The following ADAM12 variants were observed in gnomAD, a reference collection of about 807,000 sequenced individuals.
ADAM12 encodes the protein disintegrin and metalloproteinase domain-containing protein 12.
Under a neutral mutation model 106.4 loss-of-function variants are expected in ADAM12, and 70 were observed. That is an observed-to-expected ratio of 0.66 (90% CI 0.54 to 0.80). The LOEUF (loss-of-function observed/expected upper bound fraction) is 0.80. Ranked by LOEUF, ADAM12 falls within the 30% of genes least tolerant of loss-of-function variation. The pLI, the probability that ADAM12 is intolerant of heterozygous loss-of-function variation, is 0.00. For synonymous variants in ADAM12, 420 were observed against 433.5 expected, an observed-to-expected ratio of 0.97 and a Z score of 0.39; for missense variants, 1,010 against 1,171.9, an observed-to-expected ratio of 0.86 and a Z score of 2.02.
chr10:126,179,605 C>T (rs1179845404), intron 3 of ADAM12, among the ~76,000 whole-genome samples: 6 of 152,152 alleles, frequency 3.9e-5, no homozygotes, highest in Admixed American at 6.5e-5. Flanking sequence ...CTATGTTCAA[C>T]ATTATGTAGG....
chr10:126,338,760 A>G (rs1854809550), intron 1 of ADAM12, among the ~76,000 whole-genome samples: 1 of 152,216 alleles, frequency 6.6e-6, no homozygotes, highest in Non-Finnish European at 1.5e-5. Flanking sequence ...GAATTCTTCA[A>G]TGCTTACCTT....
rs757971637 is a variant in ADAM12, at chr10:126,155,213, C to T, written c.339+14G>A. 6.8e-6 allele frequency: 11 copies of T among 1,613,044 alleles called. No homozygotes were observed. Among genetic ancestry groups the T allele is most frequent in the Admixed American group, 1.7e-5 (1 of 59,992 alleles). On this transcript the variant is annotated intron_variant, in intron 4 of 22. Coordinates refer to ENST00000448723, the MANE Select transcript of ADAM12 (RefSeq NM_001288973.2). ...TGGTGTAAGATTATGGTGATCCCAACGTGCCAGAATTACCGTGTAATTTCG... is the reference window on the plus strand; with the variant it reads ...TGGTGTAAGATTATGGTGATCCCAATGTGCCAGAATTACCGTGTAATTTCG...
At chr10:126,384,404 A>C (rs952151097) in intron 1 of ADAM12, among the ~76,000 whole-genome samples, 4 of 152,216 alleles carry the variant, frequency 2.6e-5, no homozygotes, top group African/African-American at 7.2e-5. Flanking sequence ...AGAAATGAGG[A>C]ATGAACTAAG....
chr10:126,321,002 C>G (rs1274419748), intron 2 of ADAM12, among the ~76,000 whole-genome samples: 1 of 152,158 alleles, frequency 6.6e-6, no homozygotes, highest in Non-Finnish European at 1.5e-5. Flanking sequence ...AAATTTACTA[C>G]AGTCTGTGAG....
At chr10:126,020,574 GAC>G (rs1953745119) in intron 21 of ADAM12, among the ~76,000 whole-genome samples, 1 of 152,110 alleles carries the variant, frequency 6.6e-6, no homozygotes, top group Non-Finnish European at 1.5e-5. Flanking sequence ...TGGGGAAAAA[GAC>G]CTATCTCAGC....
At chr10:126,235,479 T>A (rs929629775) in intron 3 of ADAM12, among the ~76,000 whole-genome samples, 98 of 151,992 alleles carry the variant, frequency 6.4e-4, no homozygotes, top group African/African-American at 2.3e-3. Flanking sequence ...TGGGTGTGAG[T>A]CCTGGCTCTG....
intron 18 of ADAM12, among the ~76,000 whole-genome samples, chr10:126,040,920 C>T (rs1230086455): frequency 6.6e-6 from 1 of 152,244 alleles, no homozygotes; most frequent in East Asian, 1.9e-4. Flanking sequence ...GCACGAGCAC[C>T]GTGTCCTGTG....
intron 3 of ADAM12, among the ~76,000 whole-genome samples, chr10:126,235,560 C>T (rs998121098): frequency 9.9e-5 from 15 of 152,056 alleles, no homozygotes; most frequent in African/African-American, 3.1e-4. Flanking sequence ...ATCTGTGAGG[C>T]GGGCTCGAGC....
intron 8 of ADAM12, among the ~76,000 whole-genome samples, chr10:126,107,810 G>T (rs1955801691): frequency 6.6e-6 from 1 of 152,176 alleles, no homozygotes; most frequent in African/African-American, 2.4e-5. Flanking sequence ...GAAGCTCACA[G>T]GGCAACTCCA....
At chr10:126,316,221 T>C (rs1281997245) in intron 2 of ADAM12, among the ~76,000 whole-genome samples, 1 of 152,194 alleles carries the variant, frequency 6.6e-6, no homozygotes, top group African/African-American at 2.4e-5. Flanking sequence ...CCAGTTTTAA[T>C]GCAGTTTTTA....
At chr10:126,113,850 C>T (rs1364493825) in intron 6 of ADAM12, among the ~76,000 whole-genome samples, 1 of 150,390 alleles carries the variant, frequency 6.6e-6, no homozygotes, top group African/African-American at 2.4e-5. Flanking sequence ...AGGTGACAGT[C>T]ATGATGGACA....
chr10:126,178,408 C>T (rs74158379), intron 3 of ADAM12, among the ~76,000 whole-genome samples: 5,347 of 103,706 alleles, frequency 0.052, 317 homozygotes, highest in African/African-American at 0.14. Context: ...TGGAGGACAT[C>T]TTTTTTTTTT....
chr10:126,118,227 G>T lies in ADAM12; in HGVS notation c.417-3C>A, dbSNP rs750332798. On this transcript the variant is annotated splice_polypyrimidine_tract_variant and splice_region_variant and intron_variant, in intron 5 of 22. Coordinates refer to ENST00000448723, the MANE Select transcript of ADAM12 (RefSeq NM_001288973.2). ...CATTTTCAAACACAATAAGTCCCCT[G>T]TTGAAAAAGAAACAAGAAAAAATAT... The T allele has an allele frequency of 1.2e-6, 2 of 1,606,542 alleles. No homozygotes were observed. Among genetic ancestry groups the T allele is most frequent in the Admixed American group, 1.7e-5 (1 of 59,250 alleles).
intron 4 of ADAM12, among the ~76,000 whole-genome samples, chr10:126,150,123 A>C (rs538554433): frequency 7.0e-4 from 106 of 152,318 alleles, no homozygotes; most frequent in African/African-American, 2.5e-3. Flanking sequence ...ACCATCATAG[A>C]TCGTGGACAT....
rs749929481 is a variant in ADAM12, at chr10:126,109,757, A to G, written c.669+18T>C. On this transcript the variant is annotated intron_variant, in intron 7 of 22. Coordinates refer to ENST00000448723, the MANE Select transcript of ADAM12 (RefSeq NM_001288973.2). Reference sequence around the variant, plus strand: ...TATCTCTAACCAACCATACTGAGAAATTTTAAAAAGTTCTTACCTCTCGGT... The same window carrying G: ...TATCTCTAACCAACCATACTGAGAAGTTTTAAAAAGTTCTTACCTCTCGGT... 2 of 1,605,842 alleles carry G rather than the reference A, an allele frequency of 1.2e-6. No homozygotes were observed. The highest frequency in any genetic ancestry group is 1.7e-5 in the Admixed American group (1 of 58,470).
At chr10:126,078,619 T>G (rs551380287) in intron 11 of ADAM12, among the ~76,000 whole-genome samples, 26 of 152,310 alleles carry the variant, frequency 1.7e-4, no homozygotes, top group African/African-American at 6.0e-4. Context: ...AAATATATAA[T>G]TTTTTTGGCA....
rs1389616313 is a variant in ADAM12 at position 126,118,103 on chromosome 10, G to A, written c.538C>T (p.His180Tyr). The change falls in exon 6 of 23, where the codon CAC (histidine) becomes TAC (tyrosine). Residue 180 changes from histidine (H) to tyrosine (Y), a missense_variant. Transcript: ENST00000448723. ...TTTGCAGCGAGGTTTGGTGTGTTGT[G>A]ATGTGATCCACATGATCCCCGGACG... ...KSVRGSCGSH[H>Y]NTPNLAAKNV... is the part of the protein sequence containing the mutation. 1 of 1,614,064 alleles carries A rather than the reference G, an allele frequency of 6.2e-7. No individual in the cohort carries two copies. The highest frequency in any genetic ancestry group is 1.7e-5 in the Admixed American group (1 of 60,012).
chr10:126,101,275 G>A (rs773550393), intron 8 of ADAM12, 34 bp from the exon 9 acceptor site: 1 of 1,600,504 alleles, frequency 6.2e-7, no homozygotes. Context: ...CATTGGAGTT[G>A]GGATCACGTT....
chr10:126,103,741 G>T (rs1404571637), intron 8 of ADAM12, among the ~76,000 whole-genome samples: 1 of 152,224 alleles, frequency 6.6e-6, no homozygotes, highest in Non-Finnish European at 1.5e-5. Flanking sequence ...GCAGCTGCCT[G>T]CCTGACTTAC....
Sources: allele counts gnomAD v4.1 joint callset (sites outside exome capture counted in the v4.1 genomes callset), GRCh38; gene constraint gnomAD v4.1.1; transcripts MANE v1.5; gene names NCBI Gene and HGNC (gene_info 2026-07-23, HGNC 2026-07-21).